CPAMD8: variants seen among roughly 807,000 people sequenced by gnomAD.
CPAMD8 encodes the protein C3 and PZP like alpha-2-macroglobulin domain containing 8, also known as C3 and PZP-like alpha-2-macroglobulin domain-containing protein 8.
CPAMD8 carries 146 observed loss-of-function variants against 224.7 expected under a neutral mutation model. The ratio of observed to expected loss-of-function variants is 0.65; its 90% CI spans 0.57 to 0.75. The LOEUF is 0.75. CPAMD8 is among the 30% of genes least tolerant of loss of function. CPAMD8 has a pLI of 0.00. For missense variants in CPAMD8, 2,301 were observed against 2,537.5 expected, an observed-to-expected ratio of 0.91 and a Z score of 2.00; for synonymous variants, 966 against 1,044.6, an observed-to-expected ratio of 0.92 and a Z score of 1.45.
At chr19:17,009,503 G>A (rs530532568) in intron 5 of CPAMD8, 183 bp from the exon 6 acceptor site, 4 of 1,034,272 alleles carry the variant, frequency 3.9e-6, no homozygotes, top group South Asian at 1.7e-5. Context: ...ACTCATTACA[G>A]GTGGCTCATG....
At chr19:16,971,874 C>T (rs1171682919) in intron 17 of CPAMD8, among the ~76,000 whole-genome samples, 4 of 152,036 alleles carry the variant, frequency 2.6e-5, no homozygotes, top group Non-Finnish European at 5.9e-5. Flanking sequence ...CGGTGAAACC[C>T]CATCTCTACT....
intron 16 of CPAMD8, 143 bp from the exon 17 acceptor site, chr19:16,975,401 C>T: frequency 1.5e-6 from 1 of 668,702 alleles, no homozygotes; most frequent in Non-Finnish European, 2.6e-6. Flanking sequence ...GTAGCATCAG[C>T]CCATTTTAAG....
Position 16,896,195 on chromosome 19 carries a change from C to T in CPAMD8, c.5407G>A (p.Glu1803Lys), listed in dbSNP as rs551383005. Residue 1803 changes from glutamate to lysine, a missense_variant, in exon 41 of 42, where the codon GAA (glutamate) becomes AAA (lysine). By Grantham distance (56) the Glu-to-Lys change is moderately conservative. Transcript: ENST00000443236. ...LEVEDSDPEPEGEAEDRVTAG... is the reference protein window; with the variant it reads ...LEVEDSDPEPKGEAEDRVTAG... The stretch of plus-strand genomic sequence containing the variant: ...TGTTACCTGTCCTCCGCCTCCCCTT[C>T]AGGCTCAGGGTCTGAGTCCTCCACC... The T allele has an allele frequency of 8.7e-6, 14 of 1,613,874 alleles. No homozygotes were observed. Among genetic ancestry groups the T allele is most frequent in the African/African-American group, 6.7e-5 (5 of 75,030 alleles).
intron 8 of CPAMD8, 66 bp from the exon 9 acceptor site, chr19:17,002,416 A>T (rs2123045314): frequency 9.1e-7 from 1 of 1,095,628 alleles, no homozygotes; most frequent in Middle Eastern, 2.0e-4. Context: ...GAGCCCTGAC[A>T]CCGGTGCAAG....
chr19:17,021,540 T>C (rs1321200123), intron 2 of CPAMD8, among the ~76,000 whole-genome samples: 3 of 152,304 alleles, frequency 2.0e-5, no homozygotes, highest in Non-Finnish European at 2.9e-5. Flanking sequence ...CTGCATTCAC[T>C]ATCTTGACCA....
intron 25 of CPAMD8, among the ~76,000 whole-genome samples, chr19:16,926,920 C>G (rs140507405): frequency 1.3e-5 from 2 of 152,176 alleles, no homozygotes; most frequent in African/African-American, 4.8e-5. Flanking sequence ...TGGCCACAAC[C>G]ACCTACCTGC....
At position 16,899,438 on chromosome 19, in the gene CPAMD8, C is replaced by G. The variant is rs372544588; in HGVS notation, c.4848+37G>C. 30 of 970,534 alleles carry G rather than the reference C, an allele frequency of 3.1e-5. No individual in the cohort carries two copies. The highest frequency in any genetic ancestry group is 4.7e-5 in the Non-Finnish European group (28 of 593,154). The allele number at this position is 970,534 out of a possible 1,614,324, so 60.1% of individuals were successfully genotyped here. ...GGTGCACCCTCACCAACATGCACAC[C>G]AGGGAAGCCTCCTCCACCAACCCCG... On this transcript the variant is annotated intron_variant, in intron 37 of 41. Coordinates refer to ENST00000443236, the MANE Select transcript of CPAMD8 (RefSeq NM_015692.5). This position sits in a 1 kb window ranked among gnomAD's most constrained non-coding sequence, Gnocchi z 5.4.
In CPAMD8 at chr19:16,921,979, C is replaced by A. The variant is rs1226826430; in HGVS notation, c.3555G>T (p.Gln1185His). ...CCTGGCGCTTGTAGGTCAGCTGGCG[C>A]TGGTAGCCTGTGGGGCAAGCAGAGA... Reference protein sequence around the residue: ...ETTDYLVQGYQRQLTYKRQDG... With the variant: ...ETTDYLVQGYHRQLTYKRQDG... Residue 1185 changes from glutamine to histidine, a missense_variant, in exon 27 of 42, where the codon CAG (glutamine) becomes CAT (histidine). Physicochemically the swap from Gln to His is conservative, Grantham distance 24 (BLOSUM62 0). Around this residue, in one of 4 missense-constraint regions of CPAMD8, gnomAD observed 1,709 missense variants for 1,753.2 expected, o/e 0.97. Coordinates refer to ENST00000443236, the MANE Select transcript of CPAMD8 (RefSeq NM_015692.5). The A allele has an allele frequency of 6.5e-7, 1 of 1,547,692 alleles. No homozygotes were observed. Among genetic ancestry groups the A allele is most frequent in the Non-Finnish European group, 8.7e-7 (1 of 1,146,490 alleles).
At chr19:16,922,689 ACAC>A (rs2053222451) in intron 26 of CPAMD8, among the ~76,000 whole-genome samples, 1 of 148,320 alleles carries the variant, frequency 6.7e-6, no homozygotes, top group South Asian at 2.1e-4. Flanking sequence ...GAACTGCCCC[ACAC>A]CACATCTGGG....
intron 23 of CPAMD8, among the ~76,000 whole-genome samples, chr19:16,930,506 G>C (rs1481188189): frequency 6.6e-6 from 1 of 152,164 alleles, no homozygotes; most frequent in East Asian, 1.9e-4. Flanking sequence ...ACAGAGAAGT[G>C]ACAAGAAACA....
chr19:16,955,974 G>A (rs1033437272), intron 19 of CPAMD8, among the ~76,000 whole-genome samples: 4 of 152,072 alleles, frequency 2.6e-5, no homozygotes, highest in East Asian at 1.9e-4. Flanking sequence ...ACCACACCCC[G>A]CCTTTAAACG....
intron 12 of CPAMD8, among the ~76,000 whole-genome samples, chr19:16,991,179 C>G (rs747961097): frequency 6.6e-6 from 1 of 152,156 alleles, no homozygotes; most frequent in Non-Finnish European, 1.5e-5. Flanking sequence ...GATTACATAT[C>G]CTGGTTCTGT....
At chr19:16,907,606 C>CA (rs374664610) in intron 29 of CPAMD8, 48,149 of 128,022 alleles carry the variant, frequency 0.38, 8,945 homozygotes, top group South Asian at 0.48. Flanking sequence ...GGCTCCGTCT[C>CA]AAAAAAAAAA....
chr19:16,904,176 A>AGCCCCCCCCCCCC, intron 32 of CPAMD8, 50 bp downstream of exon 32: 1 of 937,338 alleles, frequency 1.1e-6, no homozygotes, highest in Non-Finnish European at 1.7e-6. Flanking sequence ...GACTGCAGGG[A>AGCCCCCCCCCCCC]CCCCACCCAC....
chr19:16,928,074 G>C lies in CPAMD8; in HGVS notation c.3305C>G (p.Ala1102Gly), dbSNP rs988082428. ...GCCGTGTGGGACCCCCAGGGTGAAG[G>C]CCTCGCTGTAGCTCTCGTCCACCTC... ...KMEVDESYSEAFTLGVPHGAI... is the reference protein window; with the variant it reads ...KMEVDESYSEGFTLGVPHGAI... The change falls in exon 25 of 42, where the codon GCC becomes GGC. Residue 1102 changes from alanine to glycine, a missense_variant. Physicochemically the swap from Ala to Gly is moderately conservative, Grantham distance 60 (BLOSUM62 0). Around this residue, in one of 4 missense-constraint regions of CPAMD8, gnomAD observed 1,709 missense variants for 1,753.2 expected, o/e 0.97. Coordinates refer to ENST00000443236, the MANE Select transcript of CPAMD8 (RefSeq NM_015692.5). 7 of 1,613,972 alleles carry C rather than the reference G, an allele frequency of 4.3e-6. No homozygotes were observed. The highest frequency in any genetic ancestry group is 5.9e-6 in the Non-Finnish European group (7 of 1,179,958).
intron 1 of CPAMD8, among the ~76,000 whole-genome samples, chr19:17,026,290 G>A (rs2057079217): frequency 6.6e-6 from 1 of 152,146 alleles, no homozygotes; most frequent in African/African-American, 2.4e-5. Context: ...ATGACAGCCC[G>A]GGTCACACGA....
chr19:16,900,289 G>A (rs2052200853), intron 36 of CPAMD8, among the ~76,000 whole-genome samples: 1 of 152,084 alleles, frequency 6.6e-6, no homozygotes, highest in Admixed American at 6.6e-5. Flanking sequence ...TGAAGTTCTA[G>A]GTGGCATTTA....
In CPAMD8 at chr19:16,996,317, G is replaced by A. The variant is rs569349924; in HGVS notation, c.1095+794C>T. Among the ~76,000 whole-genome samples, 6 of 152,114 alleles carry A rather than the reference G, an allele frequency of 3.9e-5. No individual in the cohort carries two copies. The South Asian group carries it at 8.3e-4, about 21-fold the overall frequency. On this transcript the variant is annotated intron_variant, in intron 11 of 41. Transcript: ENST00000443236. Reference sequence around the variant, plus strand: ...CTCACCACTGCACTCCAGCCTGGGCGACAGAACAAAACCCTGTCTCTAAGA... The same window carrying A: ...CTCACCACTGCACTCCAGCCTGGGCAACAGAACAAAACCCTGTCTCTAAGA...
rs1372605751 is a variant in CPAMD8, at chr19:16,987,168, AAAAAAAAAAAAATAT to A, written c.1395+2460_1395+2474del. Among the ~76,000 whole-genome samples, 8 of 103,550 alleles carry A rather than the reference AAAAAAAAAAAAATAT, an allele frequency of 7.7e-5. No homozygotes were observed. The East Asian group carries it at 8.3e-4, about 11-fold the overall frequency. 67.9% of individuals were successfully genotyped at this position (103,550 alleles called of 152,430 possible). A position where few individuals can be genotyped will look rare whatever the true frequency, so the allele number is the denominator to read the frequency against. ...AGACTCTGTCAAAAAAAAAAAAAAA[AAAAAAAAAAAAATAT>A]ATATATATATATATATATATATATA... On this transcript the variant is annotated intron_variant, in intron 13 of 41. Transcript: ENST00000443236.
Sources: gnomAD v4.1 joint callset for allele counts (sites outside exome capture counted in the v4.1 genomes callset) on GRCh38, gnomAD v4.1.1 for gene constraint, gnomAD v4.1.1 regional missense constraint, Gnocchi (gnomAD v3.1) non-coding constraint, MANE v1.5 for transcripts, NCBI Gene and HGNC (gene_info 2026-07-23, HGNC 2026-07-21) for gene names.